The following DRC11 variants were observed in gnomAD, a reference collection of about 807,000 sequenced individuals.
DRC11 encodes the protein dynein regulatory complex subunit 11, also known as IQ and AAA domain-containing protein 1.
At chr2:236,371,235 C>T in the DRC11 span, among the ~76,000 whole-genome samples, 2 of 152,154 alleles carry the variant, frequency 1.3e-5, no homozygotes, top group African/African-American at 2.4e-5. The surrounding 1 kb of genome is among the most constrained non-coding windows in gnomAD (Gnocchi z 5.1). Context: ...TCAGGCTTTG[C>T]AGTGCTGGCC....
the DRC11 span, among the ~76,000 whole-genome samples, chr2:236,412,174 C>A: frequency 6.6e-6 from 1 of 152,164 alleles, no homozygotes; most frequent in South Asian, 2.1e-4. Flanking sequence ...GGATTATAGG[C>A]GTGGGCCACT....
At chr2:236,457,113 G>A in the DRC11 span, among the ~76,000 whole-genome samples, 1 of 152,282 alleles carries the variant, frequency 6.6e-6, no homozygotes, top group East Asian at 1.9e-4. This position sits in a 1 kb window ranked among gnomAD's most constrained non-coding sequence, Gnocchi z 4.7. Flanking sequence ...TACATCCTGA[G>A]ACCTAGACGG....
At chr2:236,354,810 C>CCCTCCCTGTGTGGGGT in the DRC11 span, among the ~76,000 whole-genome samples, 3 of 152,092 alleles carry the variant, frequency 2.0e-5, no homozygotes, top group Non-Finnish European at 4.4e-5. Context: ...CAGCCTGATG[C>CCCTCCCTGTGTGGGGT]CCTCCCTGTG....
the DRC11 span, among the ~76,000 whole-genome samples, chr2:236,488,702 T>C: frequency 1.3e-5 from 2 of 152,222 alleles, no homozygotes; most frequent in African/African-American, 4.8e-5. Context: ...ATTTTATATA[T>C]GAAAAGTCTT....
the DRC11 span, among the ~76,000 whole-genome samples, chr2:236,459,245 C>T: frequency 1.3e-5 from 2 of 152,012 alleles, no homozygotes; most frequent in Admixed American, 6.5e-5. Flanking sequence ...TTTAACCTCC[C>T]TATTAATACA....
At chr2:236,368,114 A>G in the DRC11 span, 1 of 852,230 alleles carries the variant, frequency 1.2e-6, no homozygotes, top group African/African-American at 1.7e-5. Flanking sequence ...TTTTGATGAC[A>G]AACAGGAACA....
At chr2:236,448,289 A>C in the DRC11 span, among the ~76,000 whole-genome samples, 1 of 152,190 alleles carries the variant, frequency 6.6e-6, no homozygotes, top group Admixed American at 6.5e-5. This position sits in a 1 kb window ranked among gnomAD's most constrained non-coding sequence, Gnocchi z 5.3. Context: ...ACTATACAAC[A>C]TAACTAGGGA....
chr2:236,379,012 C>T, the DRC11 span, among the ~76,000 whole-genome samples: 9,462 of 152,232 alleles, frequency 0.062, 462 homozygotes, highest in Middle Eastern at 0.14. Context: ...CCCACACTCC[C>T]CCGACTGTGT....
chr2:236,476,487 A>G, the DRC11 span, among the ~76,000 whole-genome samples: 1 of 152,156 alleles, frequency 6.6e-6, no homozygotes, highest in African/African-American at 2.4e-5. This position sits in a 1 kb window ranked among gnomAD's most constrained non-coding sequence, Gnocchi z 4.7. Context: ...TTTCCTAGCT[A>G]TAAGATCACA....
At chr2:236,343,800 CT>C in the DRC11 span, 1 of 1,246,018 alleles carries the variant, frequency 8.0e-7, no homozygotes, top group East Asian at 5.6e-5. This position sits in a 1 kb window ranked among gnomAD's most constrained non-coding sequence, Gnocchi z 6.6. Flanking sequence ...AATGAGTTCT[CT>C]GAAGACTTTC....
chr2:236,507,303 GAAGCTCTTCCGTTGCT>G, the DRC11 span: 1 of 1,613,712 alleles, frequency 6.2e-7, no homozygotes, highest in South Asian at 1.1e-5. Context: ...CGCCCTCCGG[GAAGCTCTTCCGTTGCT>G]CTCTGAAGGA....
At chr2:236,339,685 TCTTTGCAC>T in the DRC11 span, among the ~76,000 whole-genome samples, 1 of 152,250 alleles carries the variant, frequency 6.6e-6, no homozygotes, top group African/African-American at 2.4e-5. Context: ...AATTGAATTG[TCTTTGCAC>T]CTTTGTCAAA....
chr2:236,355,692 G>A, the DRC11 span, among the ~76,000 whole-genome samples: 1 of 151,844 alleles, frequency 6.6e-6, no homozygotes, highest in Middle Eastern at 3.2e-3. Context: ...TGTAAAATGA[G>A]ACTAACATAT....
chr2:236,346,361 A>G, the DRC11 span, among the ~76,000 whole-genome samples: 2 of 152,240 alleles, frequency 1.3e-5, no homozygotes, highest in African/African-American at 4.8e-5. Context: ...AACCCTATGA[A>G]GCAGATAACA....
the DRC11 span, among the ~76,000 whole-genome samples, chr2:236,358,666 G>A: frequency 3.1e-3 from 446 of 146,092 alleles, 10 homozygotes; most frequent in Non-Finnish European, 3.6e-3. Context: ...ATGCTAAGGC[G>A]TTTTACACAT....
At chr2:236,437,861 G>C in the DRC11 span, among the ~76,000 whole-genome samples, 1 of 147,000 alleles carries the variant, frequency 6.8e-6, no homozygotes, top group East Asian at 2.1e-4. Flanking sequence ...CAGATGAGTA[G>C]GTTGCGAAAA....
the DRC11 span, among the ~76,000 whole-genome samples, chr2:236,306,743 A>C: frequency 2.0e-5 from 3 of 152,190 alleles, no homozygotes; most frequent in Non-Finnish European, 4.4e-5. This position sits in a 1 kb window ranked among gnomAD's most constrained non-coding sequence, Gnocchi z 5.9. Context: ...CCTCATTCTA[A>C]TAAGGAAAGA....
the DRC11 span, among the ~76,000 whole-genome samples, chr2:236,358,837 G>T: frequency 6.8e-6 from 1 of 147,614 alleles, no homozygotes. Context: ...CCCCAAGACC[G>T]TCACGTGGCC....
chr2:236,317,855 C>A, the DRC11 span, among the ~76,000 whole-genome samples: 1 of 152,196 alleles, frequency 6.6e-6, no homozygotes, highest in Non-Finnish European at 1.5e-5. This position sits in a 1 kb window ranked among gnomAD's most constrained non-coding sequence, Gnocchi z 5.4. Flanking sequence ...ACAAGAGGAA[C>A]TCAGAGCTAG....
Sources: allele counts gnomAD v4.1 joint callset (sites outside exome capture counted in the v4.1 genomes callset), GRCh38; gene constraint gnomAD v4.1.1; non-coding constraint Gnocchi (gnomAD v3.1); transcripts MANE v1.5; gene names NCBI Gene and HGNC (gene_info 2026-07-23, HGNC 2026-07-21).